Variants in KLHL7 observed in about 807,000 individuals in gnomAD.
KLHL7 encodes the protein kelch like family member 7.
KLHL7 carries 44 observed loss-of-function variants against 67.4 expected under a neutral mutation model. The observed-to-expected ratio is 0.65, with a 90% CI of 0.51 to 0.84. The LOEUF (loss-of-function observed/expected upper bound fraction) is 0.84. Among genes scored for constraint, KLHL7 ranks in the 40% least tolerant of loss-of-function variants. The pLI is 0.00. For missense variants in KLHL7, 362 were observed against 718.1 expected (o/e 0.50, Z 5.67); for synonymous variants, 252 against 243.3 (o/e 1.04, Z -0.33).
chr7:23,175,421 A>C lies in KLHL7; in HGVS notation c.*1123A>C, dbSNP rs752275483. The C allele has an allele frequency of 3.3e-4, 142 of 433,398 alleles. No homozygotes were observed. The highest frequency in any genetic ancestry group is 1.3e-4 in the Non-Finnish European group (28 of 220,800). 26.8% of individuals were successfully genotyped at this position (433,398 alleles called of 1,614,324 possible). On this transcript the variant is annotated 3_prime_UTR_variant, in exon 11 of 11. Transcript: ENST00000339077. ...AATATTAAATATTTTTTAACTTAAA[A>C]TAGGCCACTCAGTTTGTTCTTCAAG...
At chr7:23,115,850 ATT>A (rs1783066046) in intron 1 of KLHL7, among the ~76,000 whole-genome samples, 1 of 152,078 alleles carries the variant, frequency 6.6e-6, no homozygotes, top group Non-Finnish European at 1.5e-5. Flanking sequence ...GCCAGGACTC[ATT>A]CTTTTTCTTA....
At chr7:23,128,413 C>A (rs1483256388) in intron 4 of KLHL7, among the ~76,000 whole-genome samples, 4 of 97,680 alleles carry the variant, frequency 4.1e-5, no homozygotes, top group Non-Finnish European at 8.2e-5. Flanking sequence ...ACTACGACTT[C>A]TTTGGGTTTA....
chr7:23,160,609 T>G (rs1441266998), intron 7 of KLHL7, among the ~76,000 whole-genome samples: 1 of 152,250 alleles, frequency 6.6e-6, no homozygotes, highest in Non-Finnish European at 1.5e-5. Context: ...AGCCTGATTT[T>G]ATCTAGCAGC....
intron 1 of KLHL7, among the ~76,000 whole-genome samples, chr7:23,111,820 C>CAAA (rs895981894): frequency 0.066 from 1,529 of 23,210 alleles, 167 homozygotes; most frequent in Non-Finnish European, 0.09. Context: ...GACTCCGTCT[C>CAAA]AAAAAAAAAA....
At chr7:23,150,589 A>T (rs1315922430) in intron 6 of KLHL7, among the ~76,000 whole-genome samples, 1 of 152,086 alleles carries the variant, frequency 6.6e-6, no homozygotes, top group Non-Finnish European at 1.5e-5. Context: ...TAATTTTTTA[A>T]CCACTTCCCT....
intron 5 of KLHL7, among the ~76,000 whole-genome samples, chr7:23,143,452 G>A (rs1388637227): frequency 1.3e-5 from 2 of 152,118 alleles, no homozygotes; most frequent in Non-Finnish European, 1.5e-5. Flanking sequence ...GTATCTCCTG[G>A]AATGGACGGC....
At chr7:23,172,601 A>G (rs578105199) in intron 9 of KLHL7, among the ~76,000 whole-genome samples, 19 of 152,036 alleles carry the variant, frequency 1.2e-4, no homozygotes, top group Non-Finnish European at 2.4e-4. Context: ...AAAAAGAATT[A>G]TTTATCTTCG....
intron 9 of KLHL7, chr7:23,172,017 A>G (rs905928053): frequency 1.7e-5 from 6 of 362,698 alleles, no homozygotes; most frequent in Non-Finnish European, 2.7e-5. Flanking sequence ...CCGGCCATCA[A>G]ATTATTTTAA....
chr7:23,120,542 A>G (rs933563503), intron 1 of KLHL7, among the ~76,000 whole-genome samples: 1 of 152,028 alleles, frequency 6.6e-6, no homozygotes, highest in Non-Finnish European at 1.5e-5. Flanking sequence ...GGAACATTCA[A>G]TATCTTCTTT....
At chr7:23,115,008 A>C (rs1583639940) in intron 1 of KLHL7, among the ~76,000 whole-genome samples, 1 of 152,206 alleles carries the variant, frequency 6.6e-6, no homozygotes, top group African/African-American at 2.4e-5. Flanking sequence ...ATATGTGCTC[A>C]CCCTGGTTTC....
Position 23,124,596 on chromosome 7 carries a change from T to G in KLHL7, c.224-92T>G, listed in dbSNP as rs1256435904. On this transcript the variant is annotated intron_variant, in intron 2 of 10. Coordinates refer to ENST00000339077, the MANE Select transcript of KLHL7 (RefSeq NM_001031710.3). ...CCAGAGAGAACTGTCCCGTTATTTTTCTGCATATTTAACATGGCCTGGAAT... is the reference window on the plus strand; with the variant it reads ...CCAGAGAGAACTGTCCCGTTATTTTGCTGCATATTTAACATGGCCTGGAAT... 5.1e-6 allele frequency: 4 copies of G among 791,780 alleles called. No homozygotes were observed. In the African/African-American group the frequency reaches 6.8e-5, roughly 13 times the overall value. 49.0% of individuals were successfully genotyped at this position (791,780 alleles called of 1,614,324 possible).
intron 4 of KLHL7, among the ~76,000 whole-genome samples, chr7:23,132,107 G>T (rs888671968): frequency 6.6e-6 from 1 of 152,114 alleles, no homozygotes; most frequent in Non-Finnish European, 1.5e-5. Context: ...CAGTGCTGCA[G>T]CAAACATAAG....
intron 4 of KLHL7, chr7:23,125,869 C>T (rs1210529951): frequency 8.4e-6 from 13 of 1,549,428 alleles, no homozygotes; most frequent in Non-Finnish European, 1.1e-5. Flanking sequence ...TGCAGTAGCC[C>T]ACCCTTATCT....
chr7:23,134,788 A>G lies in KLHL7; in HGVS notation c.443-5981A>G, dbSNP rs150785415. 3.4e-4 allele frequency among the ~76,000 whole-genome samples: 52 copies of G among 152,200 alleles called. No individual in the cohort carries two copies. The East Asian group carries it at 9.1e-3, about 27-fold the overall frequency. Reference sequence around the variant, plus strand: ...TACTGATCCTTTGAATTTCTGCACTATCAGTTGTAGTGTCTCCTTTTTCAT... The same window carrying G: ...TACTGATCCTTTGAATTTCTGCACTGTCAGTTGTAGTGTCTCCTTTTTCAT... On this transcript the variant is annotated intron_variant, in intron 4 of 10. Transcript: ENST00000339077.
Position 23,124,808 on chromosome 7 carries a change from G to A in KLHL7, c.317+27G>A, listed in dbSNP as rs1350172660. The A allele has an allele frequency of 8.5e-6, 12 of 1,404,258 alleles. No homozygotes were observed. In the Admixed American group the frequency reaches 2.0e-4, roughly 24 times the overall value. 87.0% of individuals were successfully genotyped at this position (1,404,258 alleles called of 1,614,324 possible). On this transcript the variant is annotated intron_variant, in intron 3 of 10. Transcript: ENST00000339077. ...TGAGTTAAGTATTATTTTTATTTTA[G>A]AGAAGTAATGTTGGTATCTACCATG...
At chr7:23,166,187 G>A (rs1476173004) in intron 8 of KLHL7, among the ~76,000 whole-genome samples, 2 of 151,986 alleles carry the variant, frequency 1.3e-5, no homozygotes, top group Non-Finnish European at 2.9e-5. Flanking sequence ...AGCATTAGTT[G>A]ACATTATCTG....
chr7:23,118,074 C>T, intron 1 of KLHL7: 1 of 1,347,340 alleles, frequency 7.4e-7, no homozygotes, highest in South Asian at 1.2e-5. Flanking sequence ...AGCTAATCCT[C>T]ATACAGTGCT....
chr7:23,169,688 A>G (rs1785100183), intron 9 of KLHL7, among the ~76,000 whole-genome samples: 1 of 152,212 alleles, frequency 6.6e-6, no homozygotes, highest in Non-Finnish European at 1.5e-5. Context: ...CAAAGTAAAA[A>G]TATAAAGGAG....
intron 9 of KLHL7, among the ~76,000 whole-genome samples, chr7:23,170,687 C>T (rs948898536): frequency 6.6e-6 from 1 of 152,084 alleles, no homozygotes; most frequent in African/African-American, 2.4e-5. Flanking sequence ...GCTGGATATC[C>T]CAGTTACTCT....
Sources: allele counts gnomAD v4.1 joint callset (sites outside exome capture counted in the v4.1 genomes callset), GRCh38; gene constraint gnomAD v4.1.1; transcripts MANE v1.5; gene names NCBI Gene and HGNC (gene_info 2026-07-23, HGNC 2026-07-21).